The following TTLL5 variants were observed in gnomAD, a reference collection of about 807,000 sequenced individuals.
TTLL5 encodes tubulin polyglutamylase TTLL5.
A neutral mutation model predicts 168.4 loss-of-function variants in TTLL5; 132 were observed. The ratio of observed to expected loss-of-function variants is 0.78; its 90% CI spans 0.68 to 0.91. The LOEUF (loss-of-function observed/expected upper bound fraction) is 0.91. Among genes scored for constraint, TTLL5 ranks in the 40% least tolerant of loss-of-function variants. The pLI, the probability that TTLL5 is intolerant of heterozygous loss-of-function variation, is 0.00. For missense variants in TTLL5, 1,545 were observed against 1,581.5 expected (o/e 0.98, Z 0.39); for synonymous variants, 546 against 558.6 (o/e 0.98, Z 0.32).
intron 18 of TTLL5, among the ~76,000 whole-genome samples, chr14:75,758,083 C>A (rs1890395448): frequency 6.6e-6 from 1 of 152,192 alleles, no homozygotes; most frequent in African/African-American, 2.4e-5. Context: ...ACTATTCTAA[C>A]TGAAGATGGT....
At chr14:75,819,128 T>G (rs893760728) in intron 27 of TTLL5, among the ~76,000 whole-genome samples, 1 of 152,226 alleles carries the variant, frequency 6.6e-6, no homozygotes, top group African/African-American at 2.4e-5. Flanking sequence ...ACACATAGCT[T>G]GGCACCTAGT....
intron 31 of TTLL5, among the ~76,000 whole-genome samples, chr14:75,926,366 T>C (rs1403064690): frequency 1.3e-5 from 2 of 152,010 alleles, no homozygotes; most frequent in African/African-American, 4.8e-5. Context: ...TTAATATTGT[T>C]ACGTGTGAAT....
chr14:75,863,555 C>A, intron 28 of TTLL5, 112 bp from the exon 29 acceptor site: 1 of 1,047,774 alleles, frequency 9.5e-7, no homozygotes, highest in South Asian at 1.9e-5. Context: ...ATTTGTAATT[C>A]CAAACTGTGC....
At chr14:75,769,050 A>T (rs959159202) in intron 20 of TTLL5, among the ~76,000 whole-genome samples, 1 of 152,210 alleles carries the variant, frequency 6.6e-6, no homozygotes, top group Admixed American at 6.5e-5. Flanking sequence ...ATTTCACTGA[A>T]TTGAAAATAG....
chr14:75,760,983 A>G (rs1594987011), intron 18 of TTLL5, among the ~76,000 whole-genome samples: 1 of 152,178 alleles, frequency 6.6e-6, no homozygotes, highest in South Asian at 2.1e-4. Flanking sequence ...TGCATCAAAC[A>G]TATCTGTCAA....
intron 28 of TTLL5, among the ~76,000 whole-genome samples, chr14:75,836,867 T>C (rs1432565878): frequency 6.6e-6 from 1 of 152,178 alleles, no homozygotes. Context: ...AAATATGCCC[T>C]AAATTGTGCT....
At chr14:75,943,357 C>G (rs992618134) in intron 31 of TTLL5, among the ~76,000 whole-genome samples, 3 of 152,150 alleles carry the variant, frequency 2.0e-5, no homozygotes, top group African/African-American at 7.2e-5. Context: ...ATATGTAAGT[C>G]AACTAGAAAT....
intron 31 of TTLL5, among the ~76,000 whole-genome samples, chr14:75,933,202 A>G (rs1176371053): frequency 6.6e-6 from 1 of 152,224 alleles, no homozygotes; most frequent in Non-Finnish European, 1.5e-5. Flanking sequence ...TCACGCTTAT[A>G]ATCCCAGCAC....
chr14:75,845,685 A>G (rs1896506365), intron 28 of TTLL5, among the ~76,000 whole-genome samples: 1 of 152,128 alleles, frequency 6.6e-6, no homozygotes. Flanking sequence ...CTCGTGTGTA[A>G]ATGATGAAAT....
At chr14:75,824,868 A>C (rs1226667247) in intron 28 of TTLL5, among the ~76,000 whole-genome samples, 1 of 152,164 alleles carries the variant, frequency 6.6e-6, no homozygotes, top group Non-Finnish European at 1.5e-5. Context: ...TTCTGAACAT[A>C]GTCCTTTAAA....
At chr14:75,707,483 C>G (rs1886741664) in intron 8 of TTLL5, 140 bp from the exon 9 acceptor site, 2 of 638,248 alleles carry the variant, frequency 3.1e-6, no homozygotes. Context: ...CCTCCGAAGT[C>G]AAGGTGTGTG....
intron 31 of TTLL5, among the ~76,000 whole-genome samples, chr14:75,924,797 G>A (rs1271391347): frequency 6.6e-6 from 1 of 152,004 alleles, no homozygotes; most frequent in Non-Finnish European, 1.5e-5. Context: ...TGAGCTGCTG[G>A]GTACACCTCC....
chr14:75,691,181 T>C (rs1024265449), intron 6 of TTLL5, among the ~76,000 whole-genome samples: 9 of 152,160 alleles, frequency 5.9e-5, no homozygotes, highest in African/African-American at 2.2e-4. Flanking sequence ...GTCAGCTGTA[T>C]GGCTGGTAAA....
rs145514250 is a variant in TTLL5 at position 75,766,873 on chromosome 14, C to T, written c.2015+505C>T. 2.5e-4 allele frequency among the ~76,000 whole-genome samples: 38 copies of T among 152,068 alleles called. 1 individual carries two copies. Among genetic ancestry groups the T allele is most frequent in the African/African-American group, 8.9e-4 (37 of 41,484 alleles). ...GAGTGCTAGGTAGAGGCAATAAAGACGTAGAGGTGGCCAAGCTCAGTGTCT... is the reference window on the plus strand; with the variant it reads ...GAGTGCTAGGTAGAGGCAATAAAGATGTAGAGGTGGCCAAGCTCAGTGTCT... On this transcript the variant is annotated intron_variant, in intron 20 of 31. Coordinates refer to ENST00000298832, the MANE Select transcript of TTLL5 (RefSeq NM_015072.5).
chr14:75,886,765 A>G (rs1181260066), intron 30 of TTLL5: 1 of 1,597,054 alleles, frequency 6.3e-7, no homozygotes, highest in Admixed American at 1.7e-5. Context: ...AGCTGAACTG[A>G]GGACGACAGC....
intron 31 of TTLL5, among the ~76,000 whole-genome samples, chr14:75,934,571 A>C (rs1372930412): frequency 1.3e-5 from 2 of 152,256 alleles, no homozygotes; most frequent in Admixed American, 1.3e-4. Context: ...TTATCAATAA[A>C]TGCTTAAGTC....
At chr14:75,800,302 T>C (rs1403567166) in intron 27 of TTLL5, among the ~76,000 whole-genome samples, 1 of 152,154 alleles carries the variant, frequency 6.6e-6, no homozygotes, top group Non-Finnish European at 1.5e-5. Context: ...AGTGTGTCTT[T>C]TATTTCCAGG....
At chr14:75,689,013 C>T (rs1885265390) in intron 5 of TTLL5, among the ~76,000 whole-genome samples, 1 of 152,154 alleles carries the variant, frequency 6.6e-6, no homozygotes. Context: ...TAGTGACTTG[C>T]CTCTAACTAG....
At chr14:75,927,173 A>G (rs1163641059) in intron 31 of TTLL5, among the ~76,000 whole-genome samples, 4 of 152,216 alleles carry the variant, frequency 2.6e-5, no homozygotes, top group Admixed American at 2.6e-4. Context: ...GCTTTGATAC[A>G]GGCATGCAAT....
Sources: allele counts gnomAD v4.1 joint callset (sites outside exome capture counted in the v4.1 genomes callset), GRCh38; gene constraint gnomAD v4.1.1; transcripts MANE v1.5; gene names NCBI Gene and HGNC (gene_info 2026-07-23, HGNC 2026-07-21).